Variants in SPOCK3 observed in about 807,000 individuals in gnomAD.
SPOCK3 encodes testican-3.
In SPOCK3, 30 loss-of-function variants were observed where a neutral mutation model predicts 56.6. The ratio of observed to expected loss-of-function variants is 0.53; its 90% CI spans 0.40 to 0.72. The LOEUF (loss-of-function observed/expected upper bound fraction) is 0.72, where lower values mean the gene tolerates loss of function less well. Ranked by LOEUF, SPOCK3 falls within the 30% of genes least tolerant of loss-of-function variation. The probability of loss-of-function intolerance (pLI) is 0.00; values close to 1 mark genes in which losing one functional copy is unlikely to be tolerated. For missense variants in SPOCK3, 527 were observed against 530.0 expected (o/e 0.99, Z 0.06); for synonymous variants, 196 against 183.3 (o/e 1.07, Z -0.56).
chr4:167,223,934 G>C (rs1260553692), intron 2 of SPOCK3, among the ~76,000 whole-genome samples: 4 of 151,926 alleles, frequency 2.6e-5, no homozygotes, highest in South Asian at 4.2e-4. Context: ...TACCTCATTT[G>C]ATATTTTGGG....
intron 2 of SPOCK3, among the ~76,000 whole-genome samples, chr4:167,129,475 T>C (rs1273469402): frequency 6.6e-6 from 1 of 152,236 alleles, no homozygotes; most frequent in Non-Finnish European, 1.5e-5. Context: ...TTCTATTTCA[T>C]CTGTTTCATC....
At chr4:167,061,068 T>G (rs1755556327) in intron 3 of SPOCK3, among the ~76,000 whole-genome samples, 1 of 152,084 alleles carries the variant, frequency 6.6e-6, no homozygotes, top group African/African-American at 2.4e-5. Context: ...CAAATCAATC[T>G]TGTATCATTA....
At chr4:167,053,747 C>T (rs187228448) in intron 3 of SPOCK3, among the ~76,000 whole-genome samples, 1 of 151,560 alleles carries the variant, frequency 6.6e-6, no homozygotes, top group East Asian at 1.9e-4. Context: ...ATCTAATGAA[C>T]CAGTAGATGT....
intron 2 of SPOCK3, among the ~76,000 whole-genome samples, chr4:167,107,632 G>A (rs1436022731): frequency 6.6e-6 from 1 of 151,568 alleles, no homozygotes; most frequent in African/African-American, 2.4e-5. Flanking sequence ...GAGATATAAA[G>A]GACATCCAGA....
chr4:166,972,122 A>C (rs1745456601), intron 4 of SPOCK3, among the ~76,000 whole-genome samples: 1 of 152,148 alleles, frequency 6.6e-6, no homozygotes, highest in East Asian at 1.9e-4. Context: ...TCTGTGGTGC[A>C]TCACTTCCTG....
chr4:166,952,467 A>G (rs1320944998), intron 4 of SPOCK3, among the ~76,000 whole-genome samples: 1 of 152,216 alleles, frequency 6.6e-6, no homozygotes, highest in East Asian at 1.9e-4. Flanking sequence ...TTCCATGCTC[A>G]TGGGTAGGAA....
intron 2 of SPOCK3, among the ~76,000 whole-genome samples, chr4:167,174,502 G>C (rs1383457920): frequency 1.3e-5 from 2 of 151,962 alleles, no homozygotes; most frequent in African/African-American, 4.8e-5. Flanking sequence ...CAGTTCCCCG[G>C]GTTGAAACAA....
intron 2 of SPOCK3, among the ~76,000 whole-genome samples, chr4:167,181,350 G>A (rs886106906): frequency 3.3e-5 from 5 of 152,046 alleles, no homozygotes; most frequent in Admixed American, 1.3e-4. Context: ...TCTCCAGTCC[G>A]ACCCCTTCTT....
intron 2 of SPOCK3, among the ~76,000 whole-genome samples, chr4:167,142,931 T>C (rs779944282): frequency 6.6e-6 from 1 of 151,878 alleles, no homozygotes; most frequent in Non-Finnish European, 1.5e-5. Context: ...CTCATGATGA[T>C]AAAAGGAAGT....
At chr4:167,016,601 C>T (rs537030311) in intron 3 of SPOCK3, among the ~76,000 whole-genome samples, 71 of 151,086 alleles carry the variant, frequency 4.7e-4, no homozygotes, top group African/African-American at 1.6e-3. Flanking sequence ...AGTGCAGTGG[C>T]GCGATCTCAG....
chr4:166,941,616 A>G (rs1049873377), intron 4 of SPOCK3, among the ~76,000 whole-genome samples: 1 of 152,112 alleles, frequency 6.6e-6, no homozygotes, highest in African/African-American at 2.4e-5. Flanking sequence ...CTTGAGTGTG[A>G]GCTAAACTCA....
chr4:167,214,431 T>C (rs1735169693), intron 2 of SPOCK3, among the ~76,000 whole-genome samples: 1 of 152,100 alleles, frequency 6.6e-6, no homozygotes, highest in Non-Finnish European at 1.5e-5. Flanking sequence ...AGCGAGAAAT[T>C]ATGATTTCAA....
intron 2 of SPOCK3, among the ~76,000 whole-genome samples, chr4:167,075,821 A>G (rs28616044): frequency 0.015 from 2,256 of 151,836 alleles, 64 homozygotes; most frequent in African/African-American, 0.052. Context: ...TTTTACTTCT[A>G]TTTTGTATGT....
chr4:167,007,272 C>T (rs1372513922), intron 3 of SPOCK3, among the ~76,000 whole-genome samples: 3 of 152,226 alleles, frequency 2.0e-5, no homozygotes, highest in African/African-American at 7.2e-5. Context: ...TCCGCAGATA[C>T]TCAAGACCCT....
intron 4 of SPOCK3, among the ~76,000 whole-genome samples, chr4:166,936,944 A>G (rs1187707207): frequency 6.6e-6 from 1 of 152,114 alleles, no homozygotes; most frequent in African/African-American, 2.4e-5. Flanking sequence ...ATATTTTCTA[A>G]CCTTAATTGT....
intron 2 of SPOCK3, among the ~76,000 whole-genome samples, chr4:167,228,493 T>A (rs958360436): frequency 6.6e-6 from 1 of 152,142 alleles, no homozygotes; most frequent in African/African-American, 2.4e-5. Flanking sequence ...AGTCTGATAA[T>A]GTGATACCAG....
chr4:167,177,080 C>T (rs1731049647), intron 2 of SPOCK3, among the ~76,000 whole-genome samples: 1 of 152,008 alleles, frequency 6.6e-6, no homozygotes, highest in South Asian at 2.1e-4. Context: ...AAAGTGTGTG[C>T]CAAGTTCAAG....
intron 3 of SPOCK3, among the ~76,000 whole-genome samples, chr4:167,062,092 TA>T (rs1371560003): frequency 6.6e-6 from 1 of 151,858 alleles, no homozygotes; most frequent in Non-Finnish European, 1.5e-5. Flanking sequence ...TTACTAGTCT[TA>T]AAGGAAACCT....
chr4:166,780,696 T>C (rs2126613323), intron 7 of SPOCK3, among the ~76,000 whole-genome samples: 1 of 152,236 alleles, frequency 6.6e-6, no homozygotes, highest in South Asian at 2.1e-4. Context: ...AAGGGGGCAA[T>C]AGGATTTCTG....
Sources: allele counts gnomAD v4.1 joint callset (sites outside exome capture counted in the v4.1 genomes callset), GRCh38; gene constraint gnomAD v4.1.1; transcripts MANE v1.5; gene names NCBI Gene and HGNC (gene_info 2026-07-23, HGNC 2026-07-21).